Variants in RSPH14 observed in about 807,000 individuals in gnomAD.
RSPH14 encodes rhabdoid tumor deletion region gene 1.
Under a neutral mutation model 26.7 loss-of-function variants are expected in RSPH14, and 20 were observed. That is an observed-to-expected ratio of 0.75 (90% CI 0.53 to 1.09). The LOEUF is 1.09. RSPH14 is among the 50% of genes least tolerant of loss of function. The probability of loss-of-function intolerance (pLI) is 0.00; values close to 1 mark genes in which losing one functional copy is unlikely to be tolerated. For missense variants in RSPH14, 449 were observed against 457.2 expected (o/e 0.98, Z 0.16); for synonymous variants, 177 against 189.3 (o/e 0.93, Z 0.53).
chr22:23,125,315 C>G (rs1406073157), intron 4 of RSPH14, among the ~76,000 whole-genome samples: 1 of 152,122 alleles, frequency 6.6e-6, no homozygotes, highest in Admixed American at 6.5e-5. Context: ...GCCCCCAAGA[C>G]CCCACCCAAC....
In RSPH14 at chr22:23,105,126, C is replaced by G. The variant is rs78901623; in HGVS notation, c.421+28900G>C. Among the ~76,000 whole-genome samples, 558 of 152,300 alleles carry G rather than the reference C, an allele frequency of 3.7e-3. 3 individuals are homozygous for G. Among genetic ancestry groups the G allele is most frequent in the African/African-American group, 0.013 (534 of 41,550 alleles). ...CCAGAGTCGACTGGGGGCCCTGGGC[C>G]TTGTATCCTAAGGTTCCCAGCCCAG... On this transcript the variant is annotated intron_variant, in intron 4 of 6. Transcript: ENST00000216036.
chr22:23,166,943 A>G, the RSPH14 span, among the ~76,000 whole-genome samples: 1 of 152,088 alleles, frequency 6.6e-6, no homozygotes, highest in Non-Finnish European at 1.5e-5. Context: ...CCAGCCCCGT[A>G]TGCAGTGAGG....
chr22:23,059,852 C>T, intron 6 of RSPH14, 134 bp from the exon 7 acceptor site: 1 of 961,814 alleles, frequency 1.0e-6, no homozygotes, highest in South Asian at 3.1e-5. Flanking sequence ...GCCCCACCAA[C>T]ATGCCCTCAC....
chr22:23,116,409 T>C (rs914624298), intron 4 of RSPH14, among the ~76,000 whole-genome samples: 8 of 152,218 alleles, frequency 5.3e-5, no homozygotes, highest in Non-Finnish European at 2.9e-5. Context: ...CCTGAGGACA[T>C]TTGCAGTGCA....
At chr22:23,125,435 T>G (rs919218263) in intron 4 of RSPH14, among the ~76,000 whole-genome samples, 20 of 152,094 alleles carry the variant, frequency 1.3e-4, no homozygotes, top group Admixed American at 1.3e-3. Flanking sequence ...CCTGGAGGGT[T>G]CCTGTGCCCC....
At chr22:23,063,799 A>T in intron 5 of RSPH14, 103 bp downstream of exon 5, 1 of 1,040,342 alleles carries the variant, frequency 9.6e-7, no homozygotes, top group Non-Finnish European at 1.4e-6. Flanking sequence ...ACAAGCAGGC[A>T]AGGGGAAGCA....
At chr22:23,107,243 TG>T (rs1277079070) in intron 4 of RSPH14, among the ~76,000 whole-genome samples, 1 of 152,258 alleles carries the variant, frequency 6.6e-6, no homozygotes, top group East Asian at 1.9e-4. Flanking sequence ...TGGACTCGGC[TG>T]GAACACACCC....
At chr22:23,113,226 C>T (rs1442575402) in intron 4 of RSPH14, among the ~76,000 whole-genome samples, 2 of 152,350 alleles carry the variant, frequency 1.3e-5, no homozygotes, top group East Asian at 1.9e-4. Context: ...ACAGCTGGGG[C>T]CCCAGCGCCA....
intron 4 of RSPH14, among the ~76,000 whole-genome samples, chr22:23,104,701 A>G (rs2069409606): frequency 6.6e-6 from 1 of 152,120 alleles, no homozygotes; most frequent in Non-Finnish European, 1.5e-5. Flanking sequence ...ATCCCTAGTA[A>G]CCAGTGTAGA....
Position 23,059,536 on chromosome 22 carries a change from C to A in RSPH14, c.973G>T (p.Glu325Ter), listed in dbSNP as rs771042436. The A allele has an allele frequency of 1.9e-6, 3 of 1,614,076 alleles. No homozygotes were observed. Among genetic ancestry groups the A allele is most frequent in the Admixed American group, 1.7e-5 (1 of 60,012 alleles). ...TFRAMEVETY[E>*]KPQVAEALQR... ...AAGGCTTCGGCCACTTGAGGCTTTT[C>A]GTAAGTCTCCACCTCCATGGCACGG... The change falls in exon 7 of 7, where the codon GAA (glutamate) becomes TAA (stop). Residue 325 changes from glutamate (E) to a stop codon, truncating the protein, a stop_gained. Transcript: ENST00000216036. LOFTEE classifies it high-confidence loss of function.
chr22:23,124,227 TTTG>T, intron 4 of RSPH14: 1 of 164,052 alleles, frequency 6.1e-6, no homozygotes, highest in South Asian at 1.5e-4. Context: ...TTTTTTTTTT[TTTG>T]GCCAAATCTC....
At chr22:23,180,719 C>G in the RSPH14 span, 1 of 149,562 alleles carries the variant, frequency 6.7e-6, no homozygotes, top group Non-Finnish European at 1.5e-5. Context: ...CGGAGGAGCC[C>G]CGCACACAAT....
Position 23,083,546 on chromosome 22 carries a change from C to T in RSPH14, c.422-19413G>A, listed in dbSNP as rs117065126. ...CGAATCTTTCACAGAGCACCTGCTT[C>T]GAGGGAAGCAGAGCTGGTGCTTGGG... is the stretch of plus-strand genomic sequence containing the variant. On this transcript the variant is annotated intron_variant, in intron 4 of 6. Transcript: ENST00000216036. Among the ~76,000 whole-genome samples the T allele has an allele frequency of 4.8e-3, 727 of 152,212 alleles. 2 individuals carry two copies. The highest frequency in any genetic ancestry group is 9.1e-3 in the Non-Finnish European group (616 of 67,998).
chr22:23,176,900 T>C, the RSPH14 span, among the ~76,000 whole-genome samples: 1 of 152,218 alleles, frequency 6.6e-6, no homozygotes, highest in East Asian at 1.9e-4. Flanking sequence ...AAACATTCAG[T>C]TCTTCAGCTG....
intron 4 of RSPH14, 91 bp downstream of exon 4, chr22:23,133,935 C>T (rs539463280): frequency 1.7e-5 from 14 of 806,288 alleles, no homozygotes; most frequent in South Asian, 7.1e-5. Flanking sequence ...AAAAAGTGGA[C>T]GATCTACACC....
rs1319928147 is a variant in RSPH14 at position 23,064,047 on chromosome 22, A to G, written c.508T>C (p.Phe170Leu). Residue 170 changes from phenylalanine to leucine, a missense_variant, in exon 5 of 7, where the codon TTC becomes CTC. Physicochemically the swap from Phe to Leu is conservative, Grantham distance 22. Transcript: ENST00000216036. ...VEVEEEEFQEFILDTLVLCLQ... is the reference protein window; with the variant it reads ...VEVEEEEFQELILDTLVLCLQ... ...CAGAGGACCAGTGTGTCCAGGATGAACTCCTGGAACTCCTCCTCCTCCACC... is the reference window on the plus strand; with the variant it reads ...CAGAGGACCAGTGTGTCCAGGATGAGCTCCTGGAACTCCTCCTCCTCCACC... 5.0e-6 allele frequency: 8 copies of G among 1,613,784 alleles called. No homozygotes were observed. Among genetic ancestry groups the G allele is most frequent in the Non-Finnish European group, 5.9e-6 (7 of 1,179,870 alleles).
At chr22:23,145,114 T>A, upstream of RSPH14, 1 of 565,196 alleles carries the variant, frequency 1.8e-6, no homozygotes, top group Admixed American at 3.1e-5. Context: ...TAAACATCAA[T>A]ACCACATCAG....
intron 4 of RSPH14, chr22:23,122,234 T>C (rs1199197684): frequency 6.6e-6 from 1 of 152,254 alleles, no homozygotes; most frequent in African/African-American, 2.4e-5. Flanking sequence ...ATCATGCTTC[T>C]TAAAAGCCCA....
intron 4 of RSPH14, among the ~76,000 whole-genome samples, chr22:23,076,170 T>C (rs895018954): frequency 1.3e-5 from 2 of 152,204 alleles, no homozygotes; most frequent in Non-Finnish European, 2.9e-5. Context: ...AACAGCGCCA[T>C]GTTCCTGACC....
Sources: gnomAD v4.1 joint callset for allele counts (sites outside exome capture counted in the v4.1 genomes callset) on GRCh38, gnomAD v4.1.1 for gene constraint, MANE v1.5 for transcripts, NCBI Gene and HGNC (gene_info 2026-07-23, HGNC 2026-07-21) for gene names.